The following RBM41 variants were observed in gnomAD, a reference collection of about 807,000 sequenced individuals.
RBM41 encodes the protein RNA-binding protein 41.
A neutral mutation model predicts 30.8 loss-of-function variants in RBM41; 14 were observed. The observed-to-expected ratio is 0.45, with a 90% CI of 0.30 to 0.71. The LOEUF is 0.71. RBM41 is among the 30% of genes least tolerant of loss of function. The probability of loss-of-function intolerance (pLI) is 0.08; values close to 1 mark genes in which losing one functional copy is unlikely to be tolerated. For missense variants in RBM41, 276 were observed against 326.3 expected (o/e 0.85, Z 1.19); for synonymous variants, 120 against 110.1 (o/e 1.09, Z -0.56).
At chrX:107,112,389 T>G (rs1037289610) in intron 5 of RBM41, among the ~76,000 whole-genome samples, 6 of 111,718 alleles carry the variant, frequency 5.4e-5, no homozygotes, top group African/African-American at 1.9e-4. Context: ...TACCAAGTGC[T>G]GACAAAGATG....
intron 6 of RBM41, among the ~76,000 whole-genome samples, chrX:107,075,982 G>A (rs1328273938): frequency 3.6e-5 from 4 of 111,470 alleles, no homozygotes; most frequent in African/African-American, 6.5e-5. Context: ...AAAAACCTAA[G>A]TGTCCACTGA....
chrX:107,096,789 A>G (rs1923020424), intron 5 of RBM41, among the ~76,000 whole-genome samples: 1 of 112,165 alleles, frequency 8.9e-6, no homozygotes, highest in East Asian at 2.8e-4. Flanking sequence ...CATTAAGAAA[A>G]TAAAGACAAG....
In RBM41 at chrX:107,064,447, C is replaced by T. The variant is rs1181884349; in HGVS notation, c.*3080G>A. ...TAATGACAGGGTCTTGCTGTGTTGC[C>T]CAGGCTGGTCTTGAATTCCTGGTCT... On this transcript the variant is annotated 3_prime_UTR_variant, in exon 8 of 8. Coordinates refer to ENST00000685964, the MANE Select transcript of RBM41 (RefSeq NM_001324242.2). 2 of 106,930 alleles carry T rather than the reference C, an allele frequency of 1.9e-5. No homozygotes were observed. The highest frequency in any genetic ancestry group is 2.0e-4 in the Admixed American group (2 of 9,935). 8.8% of individuals were successfully genotyped at this position (106,930 alleles called of 1,213,427 possible).
At chrX:107,057,849 G>T (rs1029279652), downstream of RBM41, among the ~76,000 whole-genome samples, 1 of 111,627 alleles carries the variant, frequency 9.0e-6, no homozygotes, top group Non-Finnish European at 1.9e-5. Context: ...ACTATACAAG[G>T]AACTCAACAT....
chrX:107,103,863 TA>T (rs1373748080), intron 5 of RBM41, among the ~76,000 whole-genome samples: 1 of 111,454 alleles, frequency 9.0e-6, no homozygotes, highest in Admixed American at 9.5e-5. Context: ...TGGAAAGAAG[TA>T]TGCTGAGACT....
chrX:107,118,756 A>C lies in RBM41; in HGVS notation c.8+10T>G, dbSNP rs757390382. 18 of 1,209,985 alleles carry C rather than the reference A, an allele frequency of 1.5e-5. No homozygotes were observed. The highest frequency in any genetic ancestry group is 2.0e-5 in the Non-Finnish European group (18 of 895,147). On this transcript the variant is annotated intron_variant, in intron 1 of 7. Coordinates refer to ENST00000685964, the MANE Select transcript of RBM41 (RefSeq NM_001324242.2). Reference sequence around the variant, plus strand: ...TCCCCTTGCCGCCTGCTCTTCAGACAAGTCCTTACCTCTTCATGTTTCCAC... The same window carrying C: ...TCCCCTTGCCGCCTGCTCTTCAGACCAGTCCTTACCTCTTCATGTTTCCAC...
At chrX:107,096,878 A>G (rs1030519629) in intron 5 of RBM41, among the ~76,000 whole-genome samples, 17 of 112,211 alleles carry the variant, frequency 1.5e-4, no homozygotes, top group African/African-American at 5.5e-4. Flanking sequence ...GAATTCTTAT[A>G]CTCAGAAACA....
intron 6 of RBM41, among the ~76,000 whole-genome samples, chrX:107,079,475 A>C (rs1921306973): frequency 8.9e-6 from 1 of 111,746 alleles, no homozygotes. Flanking sequence ...TACCGTGCTT[A>C]TGTGAAGTTC....
intron 5 of RBM41, among the ~76,000 whole-genome samples, chrX:107,095,064 C>T: frequency 9.3e-6 from 1 of 107,474 alleles, no homozygotes; most frequent in Non-Finnish European, 1.9e-5. Context: ...ATACTTTTCC[C>T]CTAAGACTGG....
chrX:107,069,965 A>G (rs1935994736), intron 6 of RBM41: 3 of 151,773 alleles, frequency 2.0e-5, no homozygotes, highest in African/African-American at 3.2e-5. Flanking sequence ...TAATTGGATG[A>G]GCAGGAACCA....
At chrX:107,079,469 G>A (rs955819567) in intron 6 of RBM41, among the ~76,000 whole-genome samples, 7 of 111,558 alleles carry the variant, frequency 6.3e-5, no homozygotes, top group East Asian at 5.6e-4. Context: ...TAAGGGTACC[G>A]TGCTTATGTG....
chrX:107,113,484 G>T lies in RBM41; in HGVS notation c.524-16C>A. 1 of 982,187 alleles carries T rather than the reference G, an allele frequency of 1.0e-6. No individual in the cohort carries two copies. The highest frequency in any genetic ancestry group is 1.3e-6 in the Non-Finnish European group (1 of 755,848). The allele number at this position is 982,187 out of a possible 1,213,427, so 80.9% of individuals were successfully genotyped here. ...TTGTGGTATGCTGTGAAGGTTTAAA[G>T]CAAGGAGTTTCAAAGATAGGAAACA... On this transcript the variant is annotated splice_polypyrimidine_tract_variant and intron_variant, in intron 4 of 7. Transcript: ENST00000685964.
intron 5 of RBM41, among the ~76,000 whole-genome samples, chrX:107,097,989 T>A (rs1403387734): frequency 1.8e-5 from 2 of 112,055 alleles, no homozygotes; most frequent in Non-Finnish European, 3.8e-5. Flanking sequence ...AGCACAATTC[T>A]ATAAATTTAC....
At chrX:107,096,280 T>C (rs895978801) in intron 5 of RBM41, among the ~76,000 whole-genome samples, 23 of 111,890 alleles carry the variant, frequency 2.1e-4, no homozygotes, top group African/African-American at 7.1e-4. Context: ...AAAATTTACA[T>C]GGAAATACAA....
At chrX:107,070,069 G>A (rs1602545732) in intron 6 of RBM41, 1 of 264,498 alleles carries the variant, frequency 3.8e-6, no homozygotes, top group East Asian at 1.0e-4. Context: ...AATAGTTCAG[G>A]AACTGATAAT....
chrX:107,067,247 A>T lies in RBM41; in HGVS notation c.*280T>A, dbSNP rs952613821. 2.8e-5 allele frequency: 23 copies of T among 830,270 alleles called. No individual in the cohort carries two copies. Among genetic ancestry groups the T allele is most frequent in the South Asian group, 6.5e-5 (1 of 15,282 alleles). 68.4% of individuals were successfully genotyped at this position (830,270 alleles called of 1,213,427 possible). ...CCCCAGAAAAATTATAAAGATTTTT[A>T]AAAATCCTTAGGAATAATCCGTTGT... On this transcript the variant is annotated 3_prime_UTR_variant, in exon 8 of 8. Transcript: ENST00000685964.
chrX:107,083,070 C>G (rs1921688243), intron 6 of RBM41, among the ~76,000 whole-genome samples: 1 of 109,400 alleles, frequency 9.1e-6, no homozygotes, highest in African/African-American at 3.3e-5. Context: ...TTTTTGAAAG[C>G]ATTTTTTTTT....
chrX:107,094,108 T>C (rs1922776346), intron 5 of RBM41, among the ~76,000 whole-genome samples: 2 of 111,824 alleles, frequency 1.8e-5, no homozygotes, highest in Admixed American at 1.9e-4. Context: ...CAGGTCCAAA[T>C]GGCTTCATTG....
chrX:107,085,402 G>A lies in RBM41; in HGVS notation c.999+3034C>T, dbSNP rs1360029985. Among the ~76,000 whole-genome samples, 3 of 108,989 alleles carry A rather than the reference G, an allele frequency of 2.8e-5. No homozygotes were observed. The Admixed American group carries it at 3.0e-4, about 11-fold the overall frequency. 94.6% of individuals were successfully genotyped at this position (108,989 alleles called of 115,157 possible). On this transcript the variant is annotated intron_variant, in intron 6 of 7. Transcript: ENST00000685964. ...ATGCCTCAGCCTCCTGAGCAGCTGCGATTACAAGTGTGTGCCATCAAACTC... is the reference window on the plus strand; with the variant it reads ...ATGCCTCAGCCTCCTGAGCAGCTGCAATTACAAGTGTGTGCCATCAAACTC...
Sources: gnomAD v4.1 joint callset for allele counts (sites outside exome capture counted in the v4.1 genomes callset) on GRCh38, gnomAD v4.1.1 for gene constraint, MANE v1.5 for transcripts, NCBI Gene and HGNC (gene_info 2026-07-23, HGNC 2026-07-21) for gene names.